LMOD1: variants seen among roughly 807,000 people sequenced by gnomAD.
LMOD1 encodes the protein leiomodin 1, also known as leiomodin-1.
In LMOD1, 8 loss-of-function variants were observed where a neutral mutation model predicts 36.5. The observed-to-expected ratio is 0.22, with a 90% CI of 0.13 to 0.40. The LOEUF (loss-of-function observed/expected upper bound fraction) is 0.40, where lower values mean the gene tolerates loss of function less well. LMOD1 is among the 10% of genes least tolerant of loss of function. LMOD1 has a pLI of 1.00. For missense variants in LMOD1, 630 were observed against 751.1 expected (o/e 0.84, Z 1.88); for synonymous variants, 284 against 288.7 (o/e 0.98, Z 0.17).
chr1:201,898,436 C>T (rs777189513), intron 2 of LMOD1, 38 bp from the exon 3 acceptor site: 12 of 1,586,848 alleles, frequency 7.6e-6, no homozygotes, highest in South Asian at 2.3e-5. Flanking sequence ...GAGAAGGGAG[C>T]TCAGCCACCT....
chr1:201,910,307 C>T (rs1267758873), intron 1 of LMOD1, among the ~76,000 whole-genome samples: 1 of 150,976 alleles, frequency 6.6e-6, no homozygotes, highest in Admixed American at 6.6e-5. Flanking sequence ...AGGGTTTCAC[C>T]CTGTTGCCTA....
At chr1:201,926,615 G>A (rs759170462) in intron 1 of LMOD1, among the ~76,000 whole-genome samples, 18 of 152,156 alleles carry the variant, frequency 1.2e-4, no homozygotes, top group Non-Finnish European at 2.6e-4. Flanking sequence ...AATATGATAA[G>A]CAAAAATATA....
At chr1:201,927,588 C>CAAAAAAAAAAAAAAAAAAAAAAAA (rs72255474) in intron 1 of LMOD1, among the ~76,000 whole-genome samples, 1 of 137,910 alleles carries the variant, frequency 7.3e-6, no homozygotes, top group African/African-American at 2.7e-5. Context: ...ACAAAAAAAA[C>CAAAAAAAAAAAAAAAAAAAAAAAA]AAAAAAAAAA....
At chr1:201,916,757 G>C (rs1175766447) in intron 1 of LMOD1, among the ~76,000 whole-genome samples, 1 of 152,152 alleles carries the variant, frequency 6.6e-6, no homozygotes, top group Non-Finnish European at 1.5e-5. Context: ...CTGCCTCGCA[G>C]CCTGACCTTC....
At chr1:201,914,361 C>G (rs569737580) in intron 1 of LMOD1, among the ~76,000 whole-genome samples, 2 of 152,288 alleles carry the variant, frequency 1.3e-5, no homozygotes, top group African/African-American at 4.8e-5. Flanking sequence ...ACACTTTGCT[C>G]TTATGTCAAC....
At chr1:201,931,950 A>G (rs1681930597) in intron 1 of LMOD1, among the ~76,000 whole-genome samples, 1 of 152,008 alleles carries the variant, frequency 6.6e-6, no homozygotes, top group Non-Finnish European at 1.5e-5. Flanking sequence ...GAGTGAGAAG[A>G]AGGAGTGTAG....
intron 1 of LMOD1, among the ~76,000 whole-genome samples, chr1:201,912,794 G>A (rs1205993030): frequency 6.6e-6 from 1 of 152,178 alleles, no homozygotes; most frequent in African/African-American, 2.4e-5. Flanking sequence ...GGGAGGCAGA[G>A]GTTGCAGTGA....
At chr1:201,945,211 C>CA (rs147426636) in intron 1 of LMOD1, among the ~76,000 whole-genome samples, 3,218 of 149,420 alleles carry the variant, frequency 0.022, 31 homozygotes, top group Middle Eastern at 0.044. Flanking sequence ...GCAATAGTGA[C>CA]AAAAAAAAAA....
intron 1 of LMOD1, among the ~76,000 whole-genome samples, chr1:201,908,521 T>C (rs1172454680): frequency 6.6e-6 from 1 of 152,206 alleles, no homozygotes; most frequent in Non-Finnish European, 1.5e-5. Flanking sequence ...CTGCCCATAC[T>C]GGAGCACAGT....
intron 1 of LMOD1, among the ~76,000 whole-genome samples, chr1:201,911,802 G>A (rs1244243099): frequency 6.6e-6 from 1 of 152,182 alleles, no homozygotes; most frequent in African/African-American, 2.4e-5. Flanking sequence ...GCTTGGCAAT[G>A]AGACTCAAAT....
chr1:201,913,756 G>A (rs1681553306), intron 1 of LMOD1, among the ~76,000 whole-genome samples: 1 of 152,212 alleles, frequency 6.6e-6, no homozygotes, highest in Non-Finnish European at 1.5e-5. Context: ...GGAGGCTGCT[G>A]CCTGTGAAAT....
intron 2 of LMOD1, among the ~76,000 whole-genome samples, chr1:201,898,687 G>C (rs1156229701): frequency 6.6e-6 from 1 of 152,176 alleles, no homozygotes; most frequent in Non-Finnish European, 1.5e-5. Flanking sequence ...TTGTCACCCA[G>C]GCCAGACTTC....
intron 1 of LMOD1, among the ~76,000 whole-genome samples, chr1:201,940,031 G>A (rs1682086897): frequency 6.6e-6 from 1 of 152,012 alleles, no homozygotes; most frequent in Admixed American, 6.6e-5. Context: ...CTCTGATGCT[G>A]GGAGCAACCT....
intron 1 of LMOD1, among the ~76,000 whole-genome samples, chr1:201,909,581 C>T (rs374573734): frequency 6.6e-6 from 1 of 152,156 alleles, no homozygotes; most frequent in African/African-American, 2.4e-5. Flanking sequence ...GTCCCCATCC[C>T]TGGTCGCCAG....
In LMOD1 at chr1:201,901,960, AT is replaced by A. The variant is rs1681337134; in HGVS notation, c.262-1210del. 2.1e-4 allele frequency among the ~76,000 whole-genome samples: 15 copies of A among 70,276 alleles called. No homozygotes were observed. The Admixed American group carries it at 2.7e-3, about 13-fold the overall frequency. 46.1% of individuals were successfully genotyped at this position (70,276 alleles called of 152,430 possible). A position where few individuals can be genotyped will look rare whatever the true frequency, so the allele number is the denominator to read the frequency against. ...AATTATTATCATTATTATTGTTATT[AT>A]TATTATTTTTTTTTTTTAGAGATGG... On this transcript the variant is annotated intron_variant, in intron 1 of 2. Transcript: ENST00000367288.
chr1:201,926,539 A>G (rs1341791548), intron 1 of LMOD1, among the ~76,000 whole-genome samples: 1 of 152,202 alleles, frequency 6.6e-6, no homozygotes, highest in African/African-American at 2.4e-5. Flanking sequence ...CATACAATAG[A>G]CTATGATGAC....
At chr1:201,927,806 C>A (rs192690926) in intron 1 of LMOD1, among the ~76,000 whole-genome samples, 1 of 152,226 alleles carries the variant, frequency 6.6e-6, no homozygotes, top group Admixed American at 6.5e-5. Context: ...CTAAGGCATC[C>A]ATTATATAGA....
At position 201,900,619 on chromosome 1, in the gene LMOD1, T is replaced by G; in HGVS notation, c.394A>C (p.Lys132Gln). ...GKEPKRGGLK[K>Q]SFSRDRDEAG... ...TCATCTCTGTCTCTAGAGAAGCTTT[T>G]CTTTAAACCACCCCTCTTTGGCTCC... The change falls in exon 2 of 3, where the codon AAA becomes CAA. Residue 132 changes from lysine (K) to glutamine (Q), a missense_variant. Transcript: ENST00000367288. 1 of 1,613,904 alleles carries G rather than the reference T, an allele frequency of 6.2e-7. No homozygotes were observed. Among genetic ancestry groups the G allele is most frequent in the Admixed American group, 1.7e-5 (1 of 60,000 alleles).
intron 1 of LMOD1, among the ~76,000 whole-genome samples, chr1:201,905,355 G>A (rs72744806): frequency 0.086 from 13,041 of 152,268 alleles, 675 homozygotes; most frequent in South Asian, 0.13. Context: ...TGCCACGTGC[G>A]TTAGGATCCA....
Sources: allele counts gnomAD v4.1 joint callset (sites outside exome capture counted in the v4.1 genomes callset), GRCh38; gene constraint gnomAD v4.1.1; transcripts MANE v1.5; gene names NCBI Gene and HGNC (gene_info 2026-07-23, HGNC 2026-07-21).